The following TMEM43 variants were observed in gnomAD, a reference collection of about 807,000 sequenced individuals.
TMEM43 encodes transmembrane protein 43, also known as arrhythmogenic right ventricular dysplasia 5.
In TMEM43, 45 loss-of-function variants were observed where a neutral mutation model predicts 49.6. That is an observed-to-expected ratio of 0.91 (90% CI 0.71 to 1.16). The LOEUF (loss-of-function observed/expected upper bound fraction) is 1.16, where lower values mean the gene tolerates loss of function less well. Ranked by LOEUF, TMEM43 falls within the 50% of genes most tolerant of loss-of-function variation. The probability of loss-of-function intolerance (pLI) is 0.00; values close to 1 mark genes in which losing one functional copy is unlikely to be tolerated. For synonymous variants in TMEM43, 199 were observed against 207.8 expected, an observed-to-expected ratio of 0.96 and a Z score of 0.36; for missense variants, 532 against 516.6, an observed-to-expected ratio of 1.03 and a Z score of -0.29.
intron 3 of TMEM43, 135 bp downstream of exon 3, chr3:14,131,091 C>A (rs1159801511): frequency 2.7e-6 from 3 of 1,111,500 alleles, no homozygotes; most frequent in South Asian, 1.6e-5. Context: ...CACTCAGCAG[C>A]TGTGTGGACT....
chr3:14,137,567 A>G (rs1381826264), intron 10 of TMEM43, among the ~76,000 whole-genome samples: 4 of 152,134 alleles, frequency 2.6e-5, no homozygotes, highest in African/African-American at 9.7e-5. Context: ...AGTAGAAAAA[A>G]GGCCCAGAGC....
At chr3:14,135,044 G>C (rs1695149347) in intron 8 of TMEM43, 114 bp from the exon 9 acceptor site, 1 of 1,488,958 alleles carries the variant, frequency 6.7e-7, no homozygotes, top group Non-Finnish European at 9.3e-7. Flanking sequence ...GCACAGCCTG[G>C]GCACGGGTGT....
chr3:14,126,320 C>G (rs112461777), intron 1 of TMEM43, among the ~76,000 whole-genome samples: 2,552 of 152,292 alleles, frequency 0.017, 61 homozygotes, highest in South Asian at 0.089. Flanking sequence ...GTCAGGAGAC[C>G]AGCCTGTCTG....
intron 9 of TMEM43, 142 bp from the exon 10 acceptor site, chr3:14,135,665 T>C (rs1245164597): frequency 1.6e-6 from 1 of 643,554 alleles, no homozygotes; most frequent in Admixed American, 2.6e-5. Flanking sequence ...GCATCCCAGA[T>C]GGATGTATAG....
chr3:14,128,785 C>T (rs1021014584), intron 1 of TMEM43: 19 of 289,788 alleles, frequency 6.6e-5, no homozygotes, highest in African/African-American at 1.6e-4. Flanking sequence ...TATATTCCTA[C>T]GGGAAATGAA....
At position 14,135,198 on chromosome 3, in the gene TMEM43, G is replaced by A. The variant is rs1181750072; in HGVS notation, c.746G>A (p.Ser249Asn). The A allele has an allele frequency of 6.2e-7, 1 of 1,612,642 alleles. No homozygotes were observed. Among genetic ancestry groups the A allele is most frequent in the Admixed American group, 1.7e-5 (1 of 60,004 alleles). ...LRVSFSYAGL[S>N]GDDPDLGPAH... ...GTCTCCTTTTCCTATGCTGGACTGA[G>A]CGGCGATGACCCTGACCTGGGCCCA... is the stretch of plus-strand genomic sequence containing the variant. The change falls in exon 9 of 12, where the codon AGC becomes AAC. Residue 249 changes from serine (S) to asparagine (N), a missense_variant. By Grantham distance (46) the Ser-to-Asn change is conservative. Transcript: ENST00000306077.
chr3:14,126,026 C>T (rs1351106730), intron 1 of TMEM43, among the ~76,000 whole-genome samples: 3 of 152,150 alleles, frequency 2.0e-5, no homozygotes, highest in African/African-American at 7.2e-5. Flanking sequence ...CCAGACACAC[C>T]CTCCCTCCTG....
intron 2 of TMEM43, among the ~76,000 whole-genome samples, chr3:14,130,193 G>A (rs1225496032): frequency 2.0e-5 from 3 of 151,866 alleles, no homozygotes; most frequent in African/African-American, 7.3e-5. Context: ...AGCAGTTACA[G>A]GGCCATCTCT....
At chr3:14,134,745 T>A (rs1284833491) in intron 7 of TMEM43, 25 bp from the exon 8 acceptor site, 1 of 1,613,716 alleles carries the variant, frequency 6.2e-7, no homozygotes, top group Non-Finnish European at 8.5e-7. Flanking sequence ...GTCCCCTGGG[T>A]TTCTAACCAC....
In TMEM43 at chr3:14,135,903, G is replaced by C; in HGVS notation, c.877G>C (p.Ala293Pro). The change falls in exon 10 of 12, where the codon GCA becomes CCA. Residue 293 changes from alanine (A) to proline (P), a missense_variant. Ala to Pro is a conservative substitution (Grantham distance 27). Transcript: ENST00000306077. ...LLLLHHGDFS[A>P]EEVFHRELRS... ...GCTCCTGCACCACGGGGACTTCTCA[G>C]CAGAGGTGAGTGCTGTGCCCTACTC... 1 of 1,613,876 alleles carries C rather than the reference G, an allele frequency of 6.2e-7. No individual in the cohort carries two copies.
Position 14,135,862 on chromosome 3 carries a change from C to A in TMEM43, c.836C>A (p.Ser279Tyr). 6.2e-7 allele frequency: 1 copy of A among 1,614,198 alleles called. No homozygotes were observed. Among genetic ancestry groups the A allele is most frequent in the Non-Finnish European group, 8.5e-7 (1 of 1,180,054 alleles). Residue 279 changes from serine (S) to tyrosine (Y), a missense_variant, in exon 10 of 12, where the codon TCT (serine) becomes TAT (tyrosine). Coordinates refer to ENST00000306077, the MANE Select transcript of TMEM43 (RefSeq NM_024334.3). ...GDQLVPFSTK[S>Y]GDTLLLLHHG... ...CAGCTAGTCCCATTCTCCACCAAGT[C>A]TGGGGATACCTTACTGCTCCTGCAC... is the stretch of plus-strand genomic sequence containing the variant.
chr3:14,126,123 C>T (rs992924852), intron 1 of TMEM43, among the ~76,000 whole-genome samples: 3 of 152,192 alleles, frequency 2.0e-5, no homozygotes, highest in Non-Finnish European at 4.4e-5. Flanking sequence ...TCCTCTCTGC[C>T]TCCCACACCC....
chr3:14,141,960 G>A lies in TMEM43; in HGVS notation c.*165G>A. On this transcript the variant is annotated 3_prime_UTR_variant, in exon 12 of 12. Transcript: ENST00000306077. ...TTGGCAGCATGTGCACCAGGTTGGT[G>A]TTCACCAGCTCATGTCTTCCCCACA... 4.5e-6 allele frequency: 3 copies of A among 663,188 alleles called. No individual in the cohort carries two copies. The highest frequency in any genetic ancestry group is 3.8e-5 in the South Asian group (2 of 52,054). 41.1% of individuals were successfully genotyped at this position (663,188 alleles called of 1,614,324 possible). A position where few individuals can be genotyped will look rare whatever the true frequency, so the allele number is the denominator to read the frequency against.
intron 5 of TMEM43, 96 bp downstream of exon 5, chr3:14,132,691 C>A (rs2124988948): frequency 6.8e-7 from 1 of 1,468,578 alleles, no homozygotes. Context: ...GGGAAGGATT[C>A]AGCACCAGGC....
Position 14,135,197 on chromosome 3 carries a change from A to G in TMEM43, c.745A>G (p.Ser249Gly). ...TGTCTCCTTTTCCTATGCTGGACTG[A>G]GCGGCGATGACCCTGACCTGGGCCC... ...LRVSFSYAGL[S>G]GDDPDLGPAH... The change falls in exon 9 of 12, where the codon AGC (serine) becomes GGC (glycine). Residue 249 changes from serine (S) to glycine (G), a missense_variant. Ser to Gly is a moderately conservative substitution (Grantham distance 56, BLOSUM62 0). Coordinates refer to ENST00000306077, the MANE Select transcript of TMEM43 (RefSeq NM_024334.3). The G allele has an allele frequency of 6.2e-7, 1 of 1,612,682 alleles. No individual in the cohort carries two copies. The highest frequency in any genetic ancestry group is 8.5e-7 in the Non-Finnish European group (1 of 1,180,000).
In TMEM43 at chr3:14,130,913, A is replaced by AAG. The variant is rs1695086234; in HGVS notation, c.255_256dup (p.Gly86GlufsTer29). On this transcript the variant is annotated frameshift_variant, in exon 3 of 12. Coordinates refer to ENST00000306077, the MANE Select transcript of TMEM43 (RefSeq NM_024334.3). LOFTEE classifies it high-confidence loss of function. The stretch of plus-strand genomic sequence containing the variant: ...ATCCACAGTGTGGCTCCGGAGAATG[A>AAG]AGGAAGGCTGGTGCACATCATTGGC... The AAG allele has an allele frequency of 1.2e-6, 2 of 1,613,352 alleles. No individual in the cohort carries two copies. The highest frequency in any genetic ancestry group is 2.7e-5 in the African/African-American group (2 of 74,896).
At position 14,135,194 on chromosome 3, in the gene TMEM43, C is replaced by A. The variant is rs780389237; in HGVS notation, c.742C>A (p.Leu248Met). 145 of 1,612,720 alleles carry A rather than the reference C, an allele frequency of 9.0e-5. No homozygotes were observed. Among genetic ancestry groups the A allele is most frequent in the Non-Finnish European group, 1.2e-4 (138 of 1,180,020 alleles). ...GCGTGTCTCCTTTTCCTATGCTGGA[C>A]TGAGCGGCGATGACCCTGACCTGGG... ...DLRVSFSYAG[L>M]SGDDPDLGPA... is the part of the protein sequence containing the mutation. Residue 248 changes from leucine (L) to methionine (M), a missense_variant, in exon 9 of 12, where the codon CTG becomes ATG. Leu to Met is a conservative substitution (Grantham distance 15). Coordinates refer to ENST00000306077, the MANE Select transcript of TMEM43 (RefSeq NM_024334.3).
intron 1 of TMEM43, among the ~76,000 whole-genome samples, chr3:14,127,947 A>G (rs1050040831): frequency 6.6e-6 from 1 of 151,828 alleles, no homozygotes; most frequent in African/African-American, 2.4e-5. Flanking sequence ...TTGTCAGCTC[A>G]CCCCCAGCCT....
intron 3 of TMEM43, 92 bp from the exon 4 acceptor site, chr3:14,131,488 C>T: frequency 1.9e-6 from 2 of 1,029,546 alleles, no homozygotes; most frequent in Non-Finnish European, 3.0e-6. Context: ...TCTATTTCTT[C>T]CTCTTCCAGT....
Sources: allele counts gnomAD v4.1 joint callset (sites outside exome capture counted in the v4.1 genomes callset), GRCh38; gene constraint gnomAD v4.1.1; transcripts MANE v1.5; gene names NCBI Gene and HGNC (gene_info 2026-07-23, HGNC 2026-07-21).